Variants in KAT6B observed in about 807,000 individuals in gnomAD.
The protein encoded by KAT6B is lysine acetyltransferase 6B, also known as histone acetyltransferase KAT6B.
In KAT6B, 10 loss-of-function variants were observed where a neutral mutation model predicts 187.5. The ratio of observed to expected loss-of-function variants is 0.05; its 90% CI spans 0.03 to 0.09. KAT6B has a LOEUF of 0.09. Ranked by LOEUF, KAT6B falls within the 10% of genes least tolerant of loss-of-function variation. KAT6B has a pLI of 1.00. For synonymous variants in KAT6B, 861 were observed against 926.8 expected, an observed-to-expected ratio of 0.93 and a Z score of 1.29; for missense variants, 1,952 against 2,558.9, an observed-to-expected ratio of 0.76 and a Z score of 5.12.
chr10:74,853,867 G>T lies in KAT6B; in HGVS notation c.621+10389G>T, dbSNP rs918432089. Reference sequence around the variant, plus strand: ...GCTGGTCTCGAACTCCTGACCTTGTGATCTGCCCACCTCGGCCTCCCAAAG... The same window carrying T: ...GCTGGTCTCGAACTCCTGACCTTGTTATCTGCCCACCTCGGCCTCCCAAAG... On this transcript the variant is annotated intron_variant, in intron 3 of 17. Coordinates refer to ENST00000287239, the MANE Select transcript of KAT6B (RefSeq NM_012330.4). 3.4e-5 allele frequency among the ~76,000 whole-genome samples: 5 copies of T among 148,872 alleles called. No homozygotes were observed. In the East Asian group the frequency reaches 8.2e-4, roughly 24 times the overall value.
chr10:74,859,863 G>C (rs1843057188), intron 3 of KAT6B, among the ~76,000 whole-genome samples: 1 of 152,070 alleles, frequency 6.6e-6, no homozygotes, highest in Non-Finnish European at 1.5e-5. Context: ...GTAATATCTT[G>C]ATTTCAATTT....
chr10:75,014,997 G>A (rs903050948), intron 13 of KAT6B, among the ~76,000 whole-genome samples: 23 of 152,202 alleles, frequency 1.5e-4, no homozygotes, highest in African/African-American at 4.6e-4. Context: ...TTTCAAACTC[G>A]GGTACATCAG....
intron 3 of KAT6B, among the ~76,000 whole-genome samples, chr10:74,942,765 CAAAAAA>C (rs56276008): frequency 4.3e-4 from 4 of 9,350 alleles, no homozygotes; most frequent in Admixed American, 3.5e-3. Flanking sequence ...AACTCCATCG[CAAAAAA>C]AAAAAAAAAA....
intron 3 of KAT6B, among the ~76,000 whole-genome samples, chr10:74,954,232 T>C (rs1840515779): frequency 6.6e-6 from 1 of 152,182 alleles, no homozygotes; most frequent in Non-Finnish European, 1.5e-5. Context: ...ATTCCACAAA[T>C]ACTGTATGAT....
chr10:74,919,900 A>G (rs535581282), intron 3 of KAT6B, among the ~76,000 whole-genome samples: 1 of 152,006 alleles, frequency 6.6e-6, no homozygotes, highest in Non-Finnish European at 1.5e-5. Context: ...CAAATTTGTC[A>G]TCTTTTATAG....
At chr10:74,949,809 G>A (rs759157500) in intron 3 of KAT6B, among the ~76,000 whole-genome samples, 1 of 152,074 alleles carries the variant, frequency 6.6e-6, no homozygotes, top group African/African-American at 2.4e-5. Context: ...GAAAAAAGAA[G>A]CGATGTATTT....
At chr10:74,873,088 G>A (rs1387026151) in intron 3 of KAT6B, among the ~76,000 whole-genome samples, 1 of 152,140 alleles carries the variant, frequency 6.6e-6, no homozygotes, top group East Asian at 1.9e-4. Flanking sequence ...TAAAGCAAAA[G>A]TGGCCAGTTT....
intron 16 of KAT6B, 77 bp downstream of exon 16, chr10:75,022,308 GTATT>G: frequency 6.6e-7 from 1 of 1,521,320 alleles, no homozygotes. Flanking sequence ...CTGTCTATTA[GTATT>G]TGTTTCACTC....
chr10:74,972,420 G>A, intron 6 of KAT6B, 87 bp from the exon 7 acceptor site: 1 of 996,956 alleles, frequency 1.0e-6, no homozygotes, highest in Non-Finnish European at 1.5e-6. Flanking sequence ...GCATCCTTGA[G>A]CAGCTTATTA....
chr10:75,000,960 G>T (rs1843790125), intron 13 of KAT6B, among the ~76,000 whole-genome samples: 1 of 152,072 alleles, frequency 6.6e-6, no homozygotes, highest in South Asian at 2.1e-4. Flanking sequence ...GCCCAGTTTT[G>T]TGCCTCCAGG....
intron 3 of KAT6B, among the ~76,000 whole-genome samples, chr10:74,887,984 T>C (rs539147544): frequency 1.6e-4 from 25 of 152,096 alleles, no homozygotes; most frequent in African/African-American, 6.0e-4. Flanking sequence ...AGATCCTGTC[T>C]GGAAAAAAAA....
In KAT6B at chr10:75,005,280, C is replaced by T. The variant is rs188108607; in HGVS notation, c.2630-15302C>T. 1.8e-3 allele frequency among the ~76,000 whole-genome samples: 266 copies of T among 151,308 alleles called. 2 individuals carry two copies. The highest frequency in any genetic ancestry group is 6.1e-3 in the African/African-American group (252 of 41,154). Reference sequence around the variant, plus strand: ...TTGCCCAGGCTGAAGTGCAGTGGCACGATCTCAGCTCACTGCAGCCTCTGC... The same window carrying T: ...TTGCCCAGGCTGAAGTGCAGTGGCATGATCTCAGCTCACTGCAGCCTCTGC... On this transcript the variant is annotated intron_variant, in intron 13 of 17. Coordinates refer to ENST00000287239, the MANE Select transcript of KAT6B (RefSeq NM_012330.4).
chr10:74,907,591 G>T (rs1191267454), intron 3 of KAT6B, among the ~76,000 whole-genome samples: 1 of 151,878 alleles, frequency 6.6e-6, no homozygotes. Flanking sequence ...CAATGGCATG[G>T]TCTCGGCTCA....
intron 2 of KAT6B, 58 bp downstream of exon 2, chr10:74,838,810 G>A (rs919748563): frequency 2.0e-4 from 31 of 152,170 alleles, no homozygotes; most frequent in African/African-American, 7.2e-4. Flanking sequence ...TTATTGAAAT[G>A]TGTTGGTAAT....
intron 3 of KAT6B, among the ~76,000 whole-genome samples, chr10:74,931,167 G>C (rs1462336417): frequency 1.3e-5 from 2 of 152,130 alleles, no homozygotes; most frequent in Non-Finnish European, 2.9e-5. Flanking sequence ...GGCTGGTGAG[G>C]CTGGTAGGGG....
At chr10:74,996,971 A>G (rs1843475576) in intron 13 of KAT6B, among the ~76,000 whole-genome samples, 1 of 152,166 alleles carries the variant, frequency 6.6e-6, no homozygotes, top group Non-Finnish European at 1.5e-5. Context: ...TGATGTTTAC[A>G]ACATATGTGC....
At chr10:74,865,161 T>C (rs1478712821) in intron 3 of KAT6B, among the ~76,000 whole-genome samples, 1 of 151,750 alleles carries the variant, frequency 6.6e-6, no homozygotes, top group Non-Finnish European at 1.5e-5. Flanking sequence ...CCTAACACAG[T>C]GCCTATTCAA....
chr10:74,869,997 T>C (rs572602509), intron 3 of KAT6B, among the ~76,000 whole-genome samples: 181 of 152,262 alleles, frequency 1.2e-3, no homozygotes, highest in African/African-American at 4.0e-3. Context: ...ACATGAGACC[T>C]GGCTGGGTGC....
At chr10:74,852,090 C>T (rs556372718) in intron 3 of KAT6B, among the ~76,000 whole-genome samples, 3 of 152,244 alleles carry the variant, frequency 2.0e-5, no homozygotes, top group Admixed American at 6.5e-5. Context: ...TAGTCTCAGG[C>T]AACTCTGGAT....
Sources: gnomAD v4.1 joint callset for allele counts (sites outside exome capture counted in the v4.1 genomes callset) on GRCh38, gnomAD v4.1.1 for gene constraint, MANE v1.5 for transcripts, NCBI Gene and HGNC (gene_info 2026-07-23, HGNC 2026-07-21) for gene names.